The following CAMK2D variants were observed in gnomAD, a reference collection of about 807,000 sequenced individuals.
CAMK2D encodes calcium/calmodulin dependent protein kinase II delta, also known as calcium/calmodulin-dependent protein kinase type II subunit delta.
In CAMK2D, 37 loss-of-function variants were observed where a neutral mutation model predicts 84.0. The observed-to-expected ratio is 0.44, with a 90% CI of 0.34 to 0.58. The LOEUF is 0.58. CAMK2D is among the 20% of genes least tolerant of loss of function. CAMK2D has a pLI of 0.02. For missense variants in CAMK2D, 448 were observed against 652.5 expected (o/e 0.69, Z 3.41); for synonymous variants, 202 against 212.5 (o/e 0.95, Z 0.43).
intron 3 of CAMK2D, among the ~76,000 whole-genome samples, chr4:113,620,933 T>C (rs775812697): frequency 6.6e-6 from 1 of 152,106 alleles, no homozygotes; most frequent in Non-Finnish European, 1.5e-5. Context: ...TGATTTTACA[T>C]ATTTTTTATT....
chr4:113,743,843 C>T (rs760592950), intron 2 of CAMK2D, among the ~76,000 whole-genome samples: 2 of 151,292 alleles, frequency 1.3e-5, no homozygotes, highest in Non-Finnish European at 2.9e-5. Context: ...TTTATCTTCC[C>T]TACTTTTTTT....
At chr4:113,695,501 C>T (rs766470927) in intron 2 of CAMK2D, among the ~76,000 whole-genome samples, 3 of 152,046 alleles carry the variant, frequency 2.0e-5, no homozygotes, top group Non-Finnish European at 2.9e-5. Context: ...GCAGTTTTCC[C>T]CATCTCAGTA....
chr4:113,485,210 T>G (rs2097754623), intron 16 of CAMK2D, among the ~76,000 whole-genome samples: 1 of 152,210 alleles, frequency 6.6e-6, no homozygotes, highest in South Asian at 2.1e-4. Flanking sequence ...TGTGATCATT[T>G]TTATCCCAAG....
At chr4:113,576,520 C>T (rs1271693257) in intron 4 of CAMK2D, among the ~76,000 whole-genome samples, 1 of 151,526 alleles carries the variant, frequency 6.6e-6, no homozygotes, top group Non-Finnish European at 1.5e-5. Flanking sequence ...TGTGTGTGTG[C>T]ATGTGCCCAC....
intron 3 of CAMK2D, among the ~76,000 whole-genome samples, chr4:113,609,996 C>T (rs2098993278): frequency 6.6e-6 from 1 of 152,040 alleles, no homozygotes; most frequent in Admixed American, 6.6e-5. Flanking sequence ...AGCCCCACAC[C>T]TTGTCCCAGT....
At chr4:113,465,439 A>T (rs1226574997) in intron 17 of CAMK2D, 90 bp downstream of exon 17, 2 of 770,126 alleles carry the variant, frequency 2.6e-6, no homozygotes, top group African/African-American at 3.5e-5. Context: ...TGAATTAAAT[A>T]TATGTGAATT....
At chr4:113,467,784 T>C (rs2097493085) in intron 16 of CAMK2D, among the ~76,000 whole-genome samples, 1 of 152,150 alleles carries the variant, frequency 6.6e-6, no homozygotes, top group South Asian at 2.1e-4. Flanking sequence ...AGGTGATTCA[T>C]CTGTCTGTGC....
At chr4:113,532,669 C>T (rs1306481519) in intron 7 of CAMK2D, among the ~76,000 whole-genome samples, 1 of 152,214 alleles carries the variant, frequency 6.6e-6, no homozygotes, top group African/African-American at 2.4e-5. Flanking sequence ...GAAATCGATG[C>T]TAATGTCCAG....
chr4:113,512,585 G>GT (rs1473976072), intron 12 of CAMK2D, among the ~76,000 whole-genome samples: 1 of 150,754 alleles, frequency 6.6e-6, no homozygotes, highest in East Asian at 1.9e-4. Context: ...CCTTTTTTTT[G>GT]TTTTTTGAGA....
chr4:113,753,856 A>G, intron 2 of CAMK2D: 2 of 984,744 alleles, frequency 2.0e-6, no homozygotes. Flanking sequence ...CTTTAAATCA[A>G]TACTATATGA....
chr4:113,560,135 T>G (rs17630328), intron 4 of CAMK2D, among the ~76,000 whole-genome samples: 20,102 of 152,108 alleles, frequency 0.13, 1,790 homozygotes, highest in East Asian at 0.31. Context: ...CAGGCTACAG[T>G]CGGCTGAAAG....
chr4:113,595,551 G>C (rs957596070), intron 4 of CAMK2D, among the ~76,000 whole-genome samples: 3 of 151,660 alleles, frequency 2.0e-5, no homozygotes, highest in Non-Finnish European at 4.4e-5. Flanking sequence ...GTTATTATAA[G>C]ATACCGATAC....
chr4:113,502,793 G>C (rs2098072993), intron 15 of CAMK2D, 143 bp downstream of exon 15: 1 of 652,014 alleles, frequency 1.5e-6, no homozygotes, highest in Non-Finnish European at 2.8e-6. Flanking sequence ...CATAGTTCTA[G>C]ATAAATTAGG....
At chr4:113,615,139 T>C (rs957075874) in intron 3 of CAMK2D, among the ~76,000 whole-genome samples, 16 of 152,256 alleles carry the variant, frequency 1.1e-4, no homozygotes, top group African/African-American at 3.6e-4. Flanking sequence ...TCAGATCCTT[T>C]TTATATTCCC....
Position 113,760,992 on chromosome 4 carries a change from A to G in CAMK2D, c.65+12T>C, listed in dbSNP as rs777337899. 5 of 1,614,020 alleles carry G rather than the reference A, an allele frequency of 3.1e-6. No homozygotes were observed. The highest frequency in any genetic ancestry group is 2.2e-5 in the East Asian group (1 of 44,884). On this transcript the variant is annotated intron_variant, in intron 1 of 20. Transcript: ENST00000511664. ...GAAAGGGGATATGCGGATGCCGGGC[A>G]AAGGTGCTTACTTTCCAAGCTCCTC...
chr4:113,649,077 T>C (rs146224637), intron 3 of CAMK2D, among the ~76,000 whole-genome samples: 48 of 152,306 alleles, frequency 3.2e-4, no homozygotes, highest in African/African-American at 1.2e-3. Context: ...CACAAGTTAA[T>C]TGTTGCTCAA....
At chr4:113,455,918 C>T (rs1212250895) in intron 19 of CAMK2D, 97 bp from the exon 20 acceptor site, 2 of 738,508 alleles carry the variant, frequency 2.7e-6, no homozygotes, top group African/African-American at 3.5e-5. Flanking sequence ...GCAAAAAAAC[C>T]TAAACCCCTG....
intron 16 of CAMK2D, among the ~76,000 whole-genome samples, chr4:113,482,275 TC>T (rs2097710026): frequency 6.6e-6 from 1 of 152,088 alleles, no homozygotes; most frequent in Admixed American, 6.5e-5. Context: ...AGCAGTCAAT[TC>T]CAAAAAAAAG....
intron 4 of CAMK2D, among the ~76,000 whole-genome samples, chr4:113,582,633 T>C (rs1415538701): frequency 6.6e-6 from 1 of 152,164 alleles, no homozygotes; most frequent in Non-Finnish European, 1.5e-5. Flanking sequence ...ACAGAAACAT[T>C]ATATATATTG....
Sources: allele counts gnomAD v4.1 joint callset (sites outside exome capture counted in the v4.1 genomes callset), GRCh38; gene constraint gnomAD v4.1.1; transcripts MANE v1.5; gene names NCBI Gene and HGNC (gene_info 2026-07-23, HGNC 2026-07-21).